Variants in PMP2 observed in about 807,000 individuals in gnomAD.
PMP2 encodes the protein peripheral myelin protein 2.
PMP2 carries 11 observed loss-of-function variants against 15.9 expected under a neutral mutation model. The observed-to-expected ratio is 0.69, with a 90% CI of 0.44 to 1.14. The LOEUF (loss-of-function observed/expected upper bound fraction) is 1.14. Ranked by LOEUF, PMP2 falls within the 50% of genes most tolerant of loss-of-function variation. PMP2 has a pLI of 0.00. For missense variants in PMP2, 151 were observed against 154.0 expected (o/e 0.98, Z 0.10); for synonymous variants, 55 against 54.1 (o/e 1.02, Z -0.07).
At chr8:81,444,642 G>A in intron 2 of PMP2, 41 bp from the exon 3 acceptor site, 1 of 1,543,734 alleles carries the variant, frequency 6.5e-7, no homozygotes, top group Middle Eastern at 1.7e-4. Flanking sequence ...CCTGAAATTT[G>A]TTGATCAAAG....
Position 81,441,503 on chromosome 8 carries a change from G to A in PMP2, c.*1895C>T, listed in dbSNP as rs1014864097. Reference sequence around the variant, plus strand: ...TGGTCCATGACGTTCTATTGCAAAAGAGAAACCTTCTCATTTCTCTATCTA... The same window carrying A: ...TGGTCCATGACGTTCTATTGCAAAAAAGAAACCTTCTCATTTCTCTATCTA... On this transcript the variant is annotated 3_prime_UTR_variant, in exon 4 of 4. Coordinates refer to ENST00000256103, the MANE Select transcript of PMP2 (RefSeq NM_002677.5). 7 of 151,454 alleles carry A rather than the reference G, an allele frequency of 4.6e-5. No homozygotes were observed. Among genetic ancestry groups the A allele is most frequent in the Non-Finnish European group, 5.9e-5 (4 of 67,844 alleles). The allele number at this position is 151,454 out of a possible 1,614,324, so 9.4% of individuals were successfully genotyped here. A position where few individuals can be genotyped will look rare whatever the true frequency, so the allele number is the denominator to read the frequency against.
In PMP2 at chr8:81,447,421, G is replaced by A; in HGVS notation, c.-35C>T. ...TGAGAGCTCAACACAGTTCTAAGTG[G>A]GATTCAGAAGACTCAGATAAAATGC... On this transcript the variant is annotated 5_prime_UTR_variant, in exon 1 of 4. Transcript: ENST00000256103. 1 of 1,532,534 alleles carries A rather than the reference G, an allele frequency of 6.5e-7. No individual in the cohort carries two copies. Among genetic ancestry groups the A allele is most frequent in the Non-Finnish European group, 9.0e-7 (1 of 1,106,006 alleles). 94.9% of individuals were successfully genotyped at this position (1,532,534 alleles called of 1,614,324 possible). A position where few individuals can be genotyped will look rare whatever the true frequency, so the allele number is the denominator to read the frequency against.
At position 81,443,639 on chromosome 8, in the gene PMP2, C is replaced by T. The variant is rs78617230; in HGVS notation, c.349-191G>A. The stretch of plus-strand genomic sequence containing the variant: ...AAGAAACAATTTAAAAGTTGATCTA[C>T]GTTGCTGTAAAGGAATTTTTTTAAG... On this transcript the variant is annotated intron_variant, in intron 3 of 3. Transcript: ENST00000256103. 8.6e-3 allele frequency among the ~76,000 whole-genome samples: 1,304 copies of T among 152,174 alleles called. 23 individuals carry two copies. Among genetic ancestry groups the T allele is most frequent in the African/African-American group, 0.029 (1,206 of 41,526 alleles).
At chr8:81,444,441 A>G in intron 3 of PMP2, 59 bp downstream of exon 3, 1 of 1,043,950 alleles carries the variant, frequency 9.6e-7, no homozygotes, top group Middle Eastern at 2.2e-4. Context: ...TTTGAAAACA[A>G]TATAATCAAA....
In PMP2 at chr8:81,444,914, A is replaced by G. The variant is rs113226355; in HGVS notation, c.149T>C (p.Ile50Thr). 13,238 of 1,613,836 alleles carry G rather than the reference A, an allele frequency of 8.2e-3. 57 individuals carry two copies. Among genetic ancestry groups the G allele is most frequent in the Middle Eastern group, 0.019 (118 of 6,052 alleles). Residue 50 changes from isoleucine (I) to threonine (T), a missense_variant, in exon 2 of 4, where the codon ATA becomes ACA. Transcript: ENST00000256103. ...AAAGGTACTTTCAGTTCGTATAGTT[A>G]TAATATCTCCTTTCTTGCTGATGAT... ...TVIISKKGDI[I>T]TIRTESTFKN...
Position 81,447,336 on chromosome 8 carries a change from A to G in PMP2, c.51T>C (p.Phe17=), listed in dbSNP as rs1052458424. 1.9e-6 allele frequency: 3 copies of G among 1,613,824 alleles called. No homozygotes were observed. Among genetic ancestry groups the G allele is most frequent in the African/African-American group, 2.7e-5 (2 of 74,922 alleles). Residue 17 remains phenylalanine, a synonymous_variant, in exon 1 of 4, where the codon TTT becomes TTC. Transcript: ENST00000256103. ...TACCCAGAGCTTTCATGTAATCGTC[A>G]AAGTTCTCACTAGAGACAAGTTTCC... The part of the protein sequence containing the change: ...GTWKLVSSEN[F]DDYMKALGVG...
rs1325828592 is a variant in PMP2, at chr8:81,440,965, C to G, written c.*2433G>C. 2.0e-5 allele frequency: 3 copies of G among 152,124 alleles called. No homozygotes were observed. The highest frequency in any genetic ancestry group is 2.0e-4 in the Admixed American group (3 of 15,270). 9.4% of individuals were successfully genotyped at this position (152,124 alleles called of 1,614,324 possible). A position where few individuals can be genotyped will look rare whatever the true frequency, so the allele number is the denominator to read the frequency against. On this transcript the variant is annotated 3_prime_UTR_variant, in exon 4 of 4. Coordinates refer to ENST00000256103, the MANE Select transcript of PMP2 (RefSeq NM_002677.5). ...ATTTGCCAGTTGACCTAACATTGTC[C>G]TTTGGAGCACTTATGTTACCTCTGG...
At position 81,443,161 on chromosome 8, in the gene PMP2, T is replaced by G. The variant is rs900044651; in HGVS notation, c.*237A>C. 2 of 374,114 alleles carry G rather than the reference T, an allele frequency of 5.3e-6. No individual in the cohort carries two copies. Among genetic ancestry groups the G allele is most frequent in the African/African-American group, 4.2e-5 (2 of 47,572 alleles). The allele number at this position is 374,114 out of a possible 1,614,324, so 23.2% of individuals were successfully genotyped here. A position where few individuals can be genotyped will look rare whatever the true frequency, so the allele number is the denominator to read the frequency against. On this transcript the variant is annotated 3_prime_UTR_variant, in exon 4 of 4. Transcript: ENST00000256103. ...TTTTGTAGTTAATTGAATGACATCA[T>G]CAACTGTTTGTGTCTGGCCAATATA...
chr8:81,444,829 A>G lies in PMP2; in HGVS notation c.234T>C (p.Asn78=). 1 of 1,613,280 alleles carries G rather than the reference A, an allele frequency of 6.2e-7. No homozygotes were observed. The highest frequency in any genetic ancestry group is 8.5e-7 in the Non-Finnish European group (1 of 1,179,822). Residue 78 remains asparagine (N), a synonymous_variant, in exon 2 of 4, where the codon AAT becomes AAC. Coordinates refer to ENST00000256103, the MANE Select transcript of PMP2 (RefSeq NM_002677.5). ...CATTAAAGATTACCTTGGTCTTTCT[A>G]TTGTCAGCTGTGGTTTCTTCAAATT... ...GQEFEETTAD[N]RKTKSIVTLQ... is the part of the protein sequence containing the mutation.
chr8:81,444,693 T>C (rs2129707104), intron 2 of PMP2, 92 bp from the exon 3 acceptor site: 4 of 1,339,458 alleles, frequency 3.0e-6, no homozygotes, highest in Non-Finnish European at 4.2e-6. Flanking sequence ...ATAATAGATA[T>C]AGATGTCTCA....
rs1448128576 is a variant in PMP2 at position 81,447,302 on chromosome 8, A to G, written c.73+12T>C. 6.2e-7 allele frequency: 1 copy of G among 1,604,478 alleles called. No homozygotes were observed. The highest frequency in any genetic ancestry group is 1.3e-5 in the African/African-American group (1 of 74,762). ...GGAGCTTTTCAGCAGAACAACAAAA[A>G]GCATTTCTTACCCAGAGCTTTCATG... On this transcript the variant is annotated intron_variant, in intron 1 of 3. Transcript: ENST00000256103.
Position 81,443,347 on chromosome 8 carries a change from T to A in PMP2, c.*51A>T, listed in dbSNP as rs540836659. ...ATTCAGTTTTGTCAATGGAAGCAAT[T>A]GATTTCCATCATTAAATGATAAAAA... is the stretch of plus-strand genomic sequence containing the variant. On this transcript the variant is annotated 3_prime_UTR_variant, in exon 4 of 4. Coordinates refer to ENST00000256103, the MANE Select transcript of PMP2 (RefSeq NM_002677.5). The A allele has an allele frequency of 1.3e-4, 165 of 1,267,404 alleles. No homozygotes were observed. In the Admixed American group the frequency reaches 1.6e-3, roughly 12 times the overall value. The allele number at this position is 1,267,404 out of a possible 1,614,324, so 78.5% of individuals were successfully genotyped here.
Position 81,442,782 on chromosome 8 carries a change from G to T in PMP2, c.*616C>A, listed in dbSNP as rs1563517425. 6.6e-6 allele frequency: 1 copy of T among 152,070 alleles called. No individual in the cohort carries two copies. The highest frequency in any genetic ancestry group is 1.5e-5 in the Non-Finnish European group (1 of 67,948). The allele number at this position is 152,070 out of a possible 1,614,324, so 9.4% of individuals were successfully genotyped here. The stretch of plus-strand genomic sequence containing the variant: ...GGATTAAGAAAATGTTTTGTGTCTT[G>T]AGTGGGATGTGAGTTATATTTAACT... On this transcript the variant is annotated 3_prime_UTR_variant, in exon 4 of 4. Transcript: ENST00000256103.
At position 81,440,485 on chromosome 8, in the gene PMP2, T is replaced by TA. The variant is rs1223711452; in HGVS notation, c.*2912dup. On this transcript the variant is annotated 3_prime_UTR_variant, in exon 4 of 4. Transcript: ENST00000256103. ...AATAACAACAAACAACAACAATAAA[T>TA]AAAAAACCACTTAACACAGACATTT... 1.3e-5 allele frequency: 2 copies of TA among 151,836 alleles called. No individual in the cohort carries two copies. Among genetic ancestry groups the TA allele is most frequent in the Admixed American group, 6.6e-5 (1 of 15,248 alleles). 9.4% of individuals were successfully genotyped at this position (151,836 alleles called of 1,614,324 possible). A position where few individuals can be genotyped will look rare whatever the true frequency, so the allele number is the denominator to read the frequency against.
At chr8:81,446,463 A>G (rs1217959358) in intron 1 of PMP2, among the ~76,000 whole-genome samples, 1 of 152,204 alleles carries the variant, frequency 6.6e-6, no homozygotes, top group Admixed American at 6.5e-5. Flanking sequence ...AAAATAGAAC[A>G]TTTTATACAG....
chr8:81,447,247 G>A, intron 1 of PMP2, 67 bp downstream of exon 1: 2 of 1,194,280 alleles, frequency 1.7e-6, no homozygotes, highest in Admixed American at 1.7e-5. Context: ...AAAAGTAGTA[G>A]ATGAAAATGT....
At chr8:81,445,396 TGTATTTTTAGTAGAGAC>T (rs758591964) in intron 1 of PMP2, among the ~76,000 whole-genome samples, 5 of 152,230 alleles carry the variant, frequency 3.3e-5, no homozygotes, top group Non-Finnish European at 1.5e-5. Flanking sequence ...GCTAATTTTT[TGTATTTTTAGTAGAGAC>T]GGGGTTTCAC....
At position 81,440,657 on chromosome 8, in the gene PMP2, T is replaced by A. The variant is rs933824163; in HGVS notation, c.*2741A>T. On this transcript the variant is annotated 3_prime_UTR_variant, in exon 4 of 4. Transcript: ENST00000256103. ...CCTTTTGCTCAGATTATTGTTAAAT[T>A]TTACCTCATTTACTTTATCAATTGC... 2.0e-4 allele frequency: 30 copies of A among 152,176 alleles called. No individual in the cohort carries two copies. Among genetic ancestry groups the A allele is most frequent in the Non-Finnish European group, 2.9e-5 (2 of 68,028 alleles). The allele number at this position is 152,176 out of a possible 1,614,324, so 9.4% of individuals were successfully genotyped here.
chr8:81,441,332 A>G lies in PMP2; in HGVS notation c.*2066T>C, dbSNP rs1202313126. 2 of 152,108 alleles carry G rather than the reference A, an allele frequency of 1.3e-5. No individual in the cohort carries two copies. The highest frequency in any genetic ancestry group is 4.8e-5 in the African/African-American group (2 of 41,420). 9.4% of individuals were successfully genotyped at this position (152,108 alleles called of 1,614,324 possible). A position where few individuals can be genotyped will look rare whatever the true frequency, so the allele number is the denominator to read the frequency against. On this transcript the variant is annotated 3_prime_UTR_variant, in exon 4 of 4. Coordinates refer to ENST00000256103, the MANE Select transcript of PMP2 (RefSeq NM_002677.5). ...CTGTGAGGAGATACTTTAAGCCCAG[A>G]CTAATACCCTAATATCCTGCTCCTA...
Sources: gnomAD v4.1 joint callset for allele counts (sites outside exome capture counted in the v4.1 genomes callset) on GRCh38, gnomAD v4.1.1 for gene constraint, MANE v1.5 for transcripts, NCBI Gene and HGNC (gene_info 2026-07-23, HGNC 2026-07-21) for gene names.